The following GRIK2 variants were observed in gnomAD, a reference collection of about 807,000 sequenced individuals.
GRIK2 encodes glutamate ionotropic receptor kainate type subunit 2.
In GRIK2, 32 loss-of-function variants were observed where a neutral mutation model predicts 100.3. The ratio of observed to expected loss-of-function variants is 0.32; its 90% CI spans 0.24 to 0.43. GRIK2 has a LOEUF of 0.43. Among genes scored for constraint, GRIK2 ranks in the 20% least tolerant of loss-of-function variants. GRIK2 has a pLI of 1.00. For synonymous variants in GRIK2, 417 were observed against 389.4 expected, an observed-to-expected ratio of 1.07 and a Z score of -0.83; for missense variants, 843 against 1,114.9, an observed-to-expected ratio of 0.76 and a Z score of 3.47.
At chr6:101,940,936 A>G (rs1790918689) in intron 14 of GRIK2, among the ~76,000 whole-genome samples, 1 of 152,144 alleles carries the variant, frequency 6.6e-6, no homozygotes, top group African/African-American at 2.4e-5. Flanking sequence ...AAACTTAAAC[A>G]TATATTTCAT....
At chr6:101,484,995 T>C (rs1324951710) in intron 2 of GRIK2, among the ~76,000 whole-genome samples, 2 of 152,164 alleles carry the variant, frequency 1.3e-5, no homozygotes, top group African/African-American at 4.8e-5. Context: ...ATAATTCAAT[T>C]GAAACACATT....
chr6:101,533,295 G>T (rs1775531580), intron 2 of GRIK2, among the ~76,000 whole-genome samples: 1 of 151,780 alleles, frequency 6.6e-6, no homozygotes, highest in East Asian at 1.9e-4. Context: ...ACTACAAGAA[G>T]TGAGAAAGTC....
At chr6:101,579,062 T>C (rs765961635) in intron 2 of GRIK2, among the ~76,000 whole-genome samples, 8 of 152,144 alleles carry the variant, frequency 5.3e-5, no homozygotes, top group East Asian at 1.9e-4. Context: ...GTAGGTTATA[T>C]GTGTGTACTT....
intron 7 of GRIK2, among the ~76,000 whole-genome samples, chr6:101,699,922 G>A (rs1054284115): frequency 1.3e-5 from 2 of 152,074 alleles, no homozygotes; most frequent in Non-Finnish European, 2.9e-5. Context: ...CAAGGTGAGA[G>A]GACTGCTTGA....
chr6:101,474,696 A>G (rs777846120), intron 2 of GRIK2, among the ~76,000 whole-genome samples: 1 of 146,828 alleles, frequency 6.8e-6, no homozygotes, highest in Non-Finnish European at 1.5e-5. Context: ...GTGAAATGAG[A>G]TTCCACAGGA....
chr6:102,064,293 CCTCCTTCTCCT>C (rs1207626220), intron 16 of GRIK2, among the ~76,000 whole-genome samples: 10 of 149,428 alleles, frequency 6.7e-5, no homozygotes, highest in South Asian at 4.2e-4. Context: ...TTCTCCTTCT[CCTCCTTCTCCT>C]CTCCTTCTCC....
chr6:101,682,536 T>C lies in GRIK2; in HGVS notation c.724-17T>C. 1 of 700,022 alleles carries C rather than the reference T, an allele frequency of 1.4e-6. No individual in the cohort carries two copies. The highest frequency in any genetic ancestry group is 2.2e-5 in the South Asian group (1 of 46,250). The allele number at this position is 700,022 out of a possible 1,614,324, so 43.4% of individuals were successfully genotyped here. On this transcript the variant is annotated splice_polypyrimidine_tract_variant and intron_variant, in intron 5 of 16. Transcript: ENST00000369134. ...TTCCTGAAATATGTACCTTCAGTAA[T>C]TTTTTTTTTTCCTTAGGCATTAGCT...
At chr6:101,420,515 C>G (rs935768056) in intron 2 of GRIK2, among the ~76,000 whole-genome samples, 2 of 152,032 alleles carry the variant, frequency 1.3e-5, no homozygotes, top group Non-Finnish European at 2.9e-5. Context: ...ATCAGTACCA[C>G]CAGGGAAGTT....
chr6:101,551,043 C>T (rs1374438232), intron 2 of GRIK2, among the ~76,000 whole-genome samples: 2 of 152,178 alleles, frequency 1.3e-5, no homozygotes, highest in Non-Finnish European at 2.9e-5. Flanking sequence ...CACCTCATGA[C>T]TACAGTTTCT....
intron 7 of GRIK2, among the ~76,000 whole-genome samples, chr6:101,757,450 G>A (rs990893355): frequency 2.0e-5 from 3 of 152,090 alleles, no homozygotes; most frequent in Non-Finnish European, 4.4e-5. Context: ...TGTTTTCCTG[G>A]ATGTTTAGTC....
chr6:101,903,226 G>A (rs1474397239), intron 12 of GRIK2, among the ~76,000 whole-genome samples: 1 of 151,796 alleles, frequency 6.6e-6, no homozygotes, highest in Non-Finnish European at 1.5e-5. Context: ...CTGCAGAAAT[G>A]GCTTTCTTTT....
chr6:101,873,960 C>A (rs946116889), intron 11 of GRIK2, among the ~76,000 whole-genome samples: 110 of 151,458 alleles, frequency 7.3e-4, no homozygotes, highest in African/African-American at 2.0e-3. Flanking sequence ...TTTTTCTTGT[C>A]AATTTGTTTG....
rs369606564 is a variant in GRIK2, at chr6:101,933,003, C to T, written c.2085+4371C>T. On this transcript the variant is annotated intron_variant, in intron 14 of 16. Coordinates refer to ENST00000369134, the MANE Select transcript of GRIK2 (RefSeq NM_021956.5). ...ACTTATACTGTAAAAGCCACACACG[C>T]CGTTCTTTTAAAGGCATGCCTCTCT... Among the ~76,000 whole-genome samples, 6 of 151,986 alleles carry T rather than the reference C, an allele frequency of 3.9e-5. No individual in the cohort carries two copies. In the East Asian group the frequency reaches 1.2e-3, roughly 29 times the overall value.
intron 2 of GRIK2, among the ~76,000 whole-genome samples, chr6:101,569,056 C>G (rs1777416509): frequency 6.6e-6 from 1 of 152,076 alleles, no homozygotes; most frequent in Admixed American, 6.6e-5. Context: ...TCACGTTTGT[C>G]CCTAGCTGTG....
At chr6:101,617,862 A>G (rs1160728647) in intron 2 of GRIK2, among the ~76,000 whole-genome samples, 2 of 151,686 alleles carry the variant, frequency 1.3e-5, no homozygotes, top group Non-Finnish European at 3.0e-5. Context: ...CACACGTGAA[A>G]CTACTAAATG....
At chr6:101,990,208 A>C (rs1281567207) in intron 14 of GRIK2, among the ~76,000 whole-genome samples, 1 of 151,682 alleles carries the variant, frequency 6.6e-6, no homozygotes, top group Non-Finnish European at 1.5e-5. Flanking sequence ...TACACCAGGC[A>C]CTGTGTTAGC....
intron 7 of GRIK2, among the ~76,000 whole-genome samples, chr6:101,753,709 C>T (rs1776946431): frequency 6.6e-6 from 1 of 151,728 alleles, no homozygotes; most frequent in Admixed American, 6.6e-5. Context: ...AAATGTGGGT[C>T]TTCTATTTTT....
chr6:101,920,599 A>G (rs1390301131), intron 12 of GRIK2, among the ~76,000 whole-genome samples: 1 of 151,954 alleles, frequency 6.6e-6, no homozygotes, highest in East Asian at 1.9e-4. Context: ...AGAATGAGGA[A>G]AGTTACTGAA....
chr6:101,488,279 C>A (rs1772930555), intron 2 of GRIK2, among the ~76,000 whole-genome samples: 1 of 146,626 alleles, frequency 6.8e-6, no homozygotes, highest in Non-Finnish European at 1.5e-5. Flanking sequence ...AGAAGTATAA[C>A]TTCCATAGTT....
Sources: gnomAD v4.1 joint callset for allele counts (sites outside exome capture counted in the v4.1 genomes callset) on GRCh38, gnomAD v4.1.1 for gene constraint, MANE v1.5 for transcripts, NCBI Gene and HGNC (gene_info 2026-07-23, HGNC 2026-07-21) for gene names.